DENND4A: variants seen among roughly 807,000 people sequenced by gnomAD.
The protein encoded by DENND4A is DENN domain containing 4A.
Under a neutral mutation model 199.3 loss-of-function variants are expected in DENND4A, and 70 were observed. That is an observed-to-expected ratio of 0.35 (90% CI 0.29 to 0.43). The LOEUF is 0.43. Ranked by LOEUF, DENND4A falls within the 20% of genes least tolerant of loss-of-function variation. DENND4A has a pLI of 1.00. For synonymous variants in DENND4A, 686 were observed against 766.9 expected (o/e 0.89, Z 1.74); for missense variants, 1,723 against 2,255.8 (o/e 0.76, Z 4.78).
chr15:65,699,970 AC>A (rs1005935095), intron 20 of DENND4A, among the ~76,000 whole-genome samples: 6 of 151,572 alleles, frequency 4.0e-5, no homozygotes, highest in African/African-American at 1.5e-4. Flanking sequence ...GAGCTATCAC[AC>A]CCAGCCTTAA....
rs762654387 is a variant in DENND4A at position 65,701,151 on chromosome 15, G to A, written c.2601C>T (p.Gly867=). The change falls in exon 19 of 33, where the codon GGC becomes GGT. Residue 867 remains glycine (G), a synonymous_variant. Transcript: ENST00000443035. ...TTCTTACTTTTGTCCAAAGAAAATA[G>A]CCACTACGACTTCTTGAAGGCCAGG... ...ESTWPSRSRS[G]YFLWTKVRNV... is the part of the protein sequence containing the mutation. 3.7e-6 allele frequency: 6 copies of A among 1,609,304 alleles called. No homozygotes were observed. The highest frequency in any genetic ancestry group is 5.1e-6 in the Non-Finnish European group (6 of 1,178,240).
rs1364544440 is a variant in DENND4A at position 65,753,101 on chromosome 15, T to C, written c.312-473A>G. Among the ~76,000 whole-genome samples the C allele has an allele frequency of 2.0e-5, 3 of 152,306 alleles. No homozygotes were observed. The East Asian group carries it at 5.8e-4, about 29-fold the overall frequency. On this transcript the variant is annotated intron_variant, in intron 3 of 32. Transcript: ENST00000443035. ...AGTTTTAGGCTAAGAGAATGTAACT[T>C]CAAATCCATCCTTAATCAAAAGTCT...
intron 22 of DENND4A, among the ~76,000 whole-genome samples, chr15:65,692,813 T>C (rs968852529): frequency 1.3e-5 from 2 of 152,192 alleles, no homozygotes; most frequent in Non-Finnish European, 2.9e-5. Flanking sequence ...TACTCTGGAA[T>C]TGCATTTAAA....
chr15:65,732,829 A>G lies in DENND4A; in HGVS notation c.1041-11T>C. The stretch of plus-strand genomic sequence containing the variant: ...AAATGAGAAATATGCCTTGAAAACA[A>G]ACAAAAGTGTAAGTGATTCCAAAGT... On this transcript the variant is annotated splice_polypyrimidine_tract_variant and intron_variant, in intron 7 of 32. Transcript: ENST00000443035. 1 of 1,542,684 alleles carries G rather than the reference A, an allele frequency of 6.5e-7. No individual in the cohort carries two copies. The highest frequency in any genetic ancestry group is 8.9e-7 in the Non-Finnish European group (1 of 1,118,672).
At chr15:65,774,518 G>A (rs28533914) in intron 1 of DENND4A, among the ~76,000 whole-genome samples, 29,999 of 150,186 alleles carry the variant, frequency 0.2, 3,995 homozygotes, top group East Asian at 0.74. Flanking sequence ...AAATAAAAAA[G>A]TTAGCCAGGC....
chr15:65,746,998 CG>C (rs1480482375), intron 4 of DENND4A, among the ~76,000 whole-genome samples: 2 of 150,520 alleles, frequency 1.3e-5, no homozygotes, highest in African/African-American at 2.4e-5. Flanking sequence ...CCCAGCTACT[CG>C]GGAGGTTGGG....
At chr15:65,781,802 G>A (rs139421434) in intron 1 of DENND4A, among the ~76,000 whole-genome samples, 7 of 152,300 alleles carry the variant, frequency 4.6e-5, no homozygotes, top group Non-Finnish European at 8.8e-5. Flanking sequence ...TGAAACTATA[G>A]GGATAACTGT....
intron 4 of DENND4A, among the ~76,000 whole-genome samples, chr15:65,748,070 A>T (rs902684703): frequency 6.6e-6 from 1 of 150,550 alleles, no homozygotes; most frequent in African/African-American, 2.4e-5. Context: ...AAAAGGAAAA[A>T]AAAAAAGTCT....
Position 65,722,918 on chromosome 15 carries a change from C to G in DENND4A, c.1518G>C (p.Lys506Asn). ...QIGDKKNVAW[K>N]ILPKKPCKNL... ...TTTTACATGGCTTCTTTGGAAGTAT[C>G]TTCCAGGCTACATTTTTCTTGTCAC... Residue 506 changes from lysine (K) to asparagine (N), a missense_variant, in exon 12 of 33, where the codon AAG becomes AAC. Transcript: ENST00000443035. 1 of 1,608,164 alleles carries G rather than the reference C, an allele frequency of 6.2e-7. No individual in the cohort carries two copies. Among genetic ancestry groups the G allele is most frequent in the Non-Finnish European group, 8.5e-7 (1 of 1,177,754 alleles).
chr15:65,681,923 T>A (rs2076591134), intron 23 of DENND4A, among the ~76,000 whole-genome samples: 1 of 152,228 alleles, frequency 6.6e-6, no homozygotes, highest in Admixed American at 6.5e-5. Flanking sequence ...TGAGCAGTAA[T>A]ATTTTGAAAT....
rs1201070459 is a variant in DENND4A, at chr15:65,659,698, TGTTTTAG to T, written c.*2146_*2152del. The T allele has an allele frequency of 2.0e-5, 3 of 152,438 alleles. No homozygotes were observed. Among genetic ancestry groups the T allele is most frequent in the African/African-American group, 7.2e-5 (3 of 41,418 alleles). The allele number at this position is 152,438 out of a possible 1,614,324, so 9.4% of individuals were successfully genotyped here. A position where few individuals can be genotyped will look rare whatever the true frequency, so the allele number is the denominator to read the frequency against. ...GAACAGGTTTACCACTTTGTATTTG[TGTTTTAG>T]GTTTTAAGACTAAATCTGTGCAATA... is the stretch of plus-strand genomic sequence containing the variant. On this transcript the variant is annotated 3_prime_UTR_variant, in exon 33 of 33. Transcript: ENST00000443035.
intron 1 of DENND4A, among the ~76,000 whole-genome samples, chr15:65,787,600 AC>A (rs2077599086): frequency 6.6e-6 from 1 of 152,228 alleles, no homozygotes; most frequent in Non-Finnish European, 1.5e-5. Context: ...TCCCGAACCT[AC>A]AATCAAGTAA....
intron 1 of DENND4A, among the ~76,000 whole-genome samples, chr15:65,768,254 T>A (rs557852955): frequency 2.0e-5 from 3 of 152,284 alleles, no homozygotes; most frequent in African/African-American, 7.2e-5. Flanking sequence ...TGGGCTCAAG[T>A]GATCTGCCCG....
chr15:65,731,873 C>T (rs534855235), intron 8 of DENND4A, among the ~76,000 whole-genome samples, 173 bp from the exon 9 acceptor site: 3 of 152,060 alleles, frequency 2.0e-5, no homozygotes, highest in Non-Finnish European at 4.4e-5. Context: ...CATGTCCTGA[C>T]CCCTTTCAAC....
chr15:65,684,312 T>C (rs1197972745), intron 23 of DENND4A, among the ~76,000 whole-genome samples: 1 of 152,218 alleles, frequency 6.6e-6, no homozygotes, highest in Non-Finnish European at 1.5e-5. Context: ...CCAAAGTGGC[T>C]GTACCATTTT....
intron 29 of DENND4A, 136 bp from the exon 30 acceptor site, chr15:65,665,598 C>T (rs2076009231): frequency 1.7e-6 from 1 of 592,416 alleles, no homozygotes; most frequent in Non-Finnish European, 2.7e-6. Flanking sequence ...ACTGATTTAT[C>T]TACATTTGAT....
intron 10 of DENND4A, 50 bp downstream of exon 10, chr15:65,729,484 A>G (rs778602557): frequency 6.5e-7 from 1 of 1,547,656 alleles, no homozygotes; most frequent in South Asian, 1.2e-5. Context: ...TTATATAAAT[A>G]AACTAAGTTT....
chr15:65,715,337 A>G (rs1221854984), intron 14 of DENND4A, 141 bp downstream of exon 14: 11 of 805,670 alleles, frequency 1.4e-5, no homozygotes, highest in Non-Finnish European at 2.0e-5. Context: ...GCAGGCTACC[A>G]AAACTTTCAT....
chr15:65,715,455 A>G (rs777278051), intron 14 of DENND4A, 23 bp downstream of exon 14: 8 of 1,585,412 alleles, frequency 5.0e-6, no homozygotes, highest in Non-Finnish European at 6.8e-6. Flanking sequence ...AAGTTAGGGC[A>G]TTGTAGATGT....
Sources: allele counts gnomAD v4.1 joint callset (sites outside exome capture counted in the v4.1 genomes callset), GRCh38; gene constraint gnomAD v4.1.1; transcripts MANE v1.5; gene names NCBI Gene and HGNC (gene_info 2026-07-23, HGNC 2026-07-21).